ABL2: variants seen among roughly 807,000 people sequenced by gnomAD.
ABL2 encodes tyrosine-protein kinase ABL2.
In ABL2, 49 loss-of-function variants were observed where a neutral mutation model predicts 107.7. The observed-to-expected ratio is 0.45, with a 90% confidence interval of 0.36 to 0.58. The LOEUF is 0.58. Ranked by LOEUF, ABL2 falls within the 20% of genes least tolerant of loss-of-function variation. ABL2 has a pLI of 0.00. For synonymous variants in ABL2, 549 were observed against 548.6 expected (o/e 1.00, Z -0.01); for missense variants, 1,245 against 1,457.0 (o/e 0.85, Z 2.37).
At chr1:179,229,167 T>TCCCCCCCCCCCCCCCCCCCCCCCCCC in intron 1 of ABL2, 74 bp downstream of exon 1, 2 of 402,572 alleles carry the variant, frequency 5.0e-6, no homozygotes, top group Non-Finnish European at 9.3e-6. Flanking sequence ...GGGCAGCCCG[T>TCCCCCCCCCCCCCCCCCCCCCCCCCC]CCGCCACCCA....
chr1:179,116,528 G>C (rs1197883505), intron 8 of ABL2, among the ~76,000 whole-genome samples: 2 of 144,634 alleles, frequency 1.4e-5, no homozygotes, highest in Non-Finnish European at 3.0e-5. Flanking sequence ...TTTTTTGTTT[G>C]AGACAGAGTT....
In ABL2 at chr1:179,107,559, G is replaced by A. The variant is rs570543044; in HGVS notation, c.*159C>T. Reference sequence around the variant, plus strand: ...TATGTGGTTTGCTTCTTATTTTTGAGATGAAACTGTAAACGTGAGAACTCA... The same window carrying A: ...TATGTGGTTTGCTTCTTATTTTTGAAATGAAACTGTAAACGTGAGAACTCA... On this transcript the variant is annotated 3_prime_UTR_variant, in exon 12 of 12. Transcript: ENST00000502732. 180 of 1,391,502 alleles carry A rather than the reference G, an allele frequency of 1.3e-4. No individual in the cohort carries two copies. The highest frequency in any genetic ancestry group is 2.0e-5 in the Non-Finnish European group (21 of 1,056,654). The allele number at this position is 1,391,502 out of a possible 1,614,324, so 86.2% of individuals were successfully genotyped here.
At chr1:179,166,137 A>G (rs574832725) in intron 1 of ABL2, among the ~76,000 whole-genome samples, 2 of 152,264 alleles carry the variant, frequency 1.3e-5, no homozygotes, top group African/African-American at 2.4e-5. Flanking sequence ...ACGCTAGAAA[A>G]CAACTAGAAG....
chr1:179,207,858 G>T (rs551892169), intron 1 of ABL2, among the ~76,000 whole-genome samples: 2 of 152,220 alleles, frequency 1.3e-5, no homozygotes, highest in African/African-American at 2.4e-5. Flanking sequence ...TTACATCTCT[G>T]ACTGATATTG....
At chr1:179,146,350 C>T (rs2791940) in intron 1 of ABL2, among the ~76,000 whole-genome samples, 52,450 of 151,832 alleles carry the variant, frequency 0.35, 9,487 homozygotes, top group East Asian at 0.49. Flanking sequence ...AAATAAAGAA[C>T]GGCTGCCAGG....
At chr1:179,210,047 A>G (rs1662178474) in intron 1 of ABL2, among the ~76,000 whole-genome samples, 1 of 151,896 alleles carries the variant, frequency 6.6e-6, no homozygotes, top group Non-Finnish European at 1.5e-5. Context: ...TTTTATTTTT[A>G]AAGACAGGGG....
rs186055682 is a variant in ABL2 at position 179,148,451 on chromosome 1, G to A, written c.158-15077C>T. On this transcript the variant is annotated intron_variant, in intron 1 of 11. Transcript: ENST00000502732. ...TATCATATCTATTATGGTGATCTGT[G>A]ATCAGTGATCTTTGATGTCACTACT... is the stretch of plus-strand genomic sequence containing the variant. Among the ~76,000 whole-genome samples the A allele has an allele frequency of 2.6e-5, 4 of 152,244 alleles. No individual in the cohort carries two copies. The East Asian group carries it at 7.7e-4, about 29-fold the overall frequency.
chr1:179,187,454 T>C (rs576248245), intron 1 of ABL2, among the ~76,000 whole-genome samples: 4 of 152,224 alleles, frequency 2.6e-5, no homozygotes, highest in Admixed American at 2.0e-4. Context: ...GAGGAAAAAA[T>C]AGTACCCAAT....
At chr1:179,173,716 T>G (rs1659862078) in intron 1 of ABL2, among the ~76,000 whole-genome samples, 1 of 152,176 alleles carries the variant, frequency 6.6e-6, no homozygotes, top group African/African-American at 2.4e-5. Context: ...AAGCTAATTA[T>G]TTTAGGCAGA....
intron 3 of ABL2, among the ~76,000 whole-genome samples, chr1:179,127,794 G>A (rs542178654): frequency 1.8e-4 from 28 of 152,216 alleles, no homozygotes; most frequent in African/African-American, 5.3e-4. Context: ...CACTTTGGGA[G>A]GCTGAGAGGG....
At chr1:179,182,872 A>G (rs961793903) in intron 1 of ABL2, among the ~76,000 whole-genome samples, 6 of 152,154 alleles carry the variant, frequency 3.9e-5, no homozygotes, top group African/African-American at 1.4e-4. Flanking sequence ...GCTTTGTAGG[A>G]TATCTGATTT....
intron 1 of ABL2, among the ~76,000 whole-genome samples, chr1:179,158,508 GA>G (rs1382597334): frequency 6.6e-6 from 1 of 152,152 alleles, no homozygotes; most frequent in Non-Finnish European, 1.5e-5. Context: ...ATCACAACCA[GA>G]AAGTTTAAGG....
rs547382338 is a variant in ABL2, at chr1:179,207,277, T to C, written c.157+21964A>G. On this transcript the variant is annotated intron_variant, in intron 1 of 11. Coordinates refer to ENST00000502732, the MANE Select transcript of ABL2 (RefSeq NM_007314.4). Reference sequence around the variant, plus strand: ...TCCTTTGTGAGGGAGGAAAGAAAGATTGTGATTTACCCAAGTGAAGTGCTG... The same window carrying C: ...TCCTTTGTGAGGGAGGAAAGAAAGACTGTGATTTACCCAAGTGAAGTGCTG... Among the ~76,000 whole-genome samples, 6 of 152,048 alleles carry C rather than the reference T, an allele frequency of 3.9e-5. No homozygotes were observed. In the East Asian group the frequency reaches 1.2e-3, roughly 29 times the overall value.
chr1:179,151,628 T>C (rs1248064873), intron 1 of ABL2, among the ~76,000 whole-genome samples: 1 of 152,192 alleles, frequency 6.6e-6, no homozygotes, highest in Non-Finnish European at 1.5e-5. Flanking sequence ...CCACAAAAAG[T>C]AAAAGCTGTA....
intron 3 of ABL2, among the ~76,000 whole-genome samples, chr1:179,128,553 TTTG>T (rs1335807205): frequency 4.6e-5 from 7 of 152,192 alleles, no homozygotes; most frequent in Non-Finnish European, 8.8e-5. Flanking sequence ...GGATTTTTTG[TTTG>T]TTGTTCTTTT....
At chr1:179,133,544 T>C (rs1007679835) in intron 1 of ABL2, among the ~76,000 whole-genome samples, 170 bp from the exon 2 acceptor site, 3 of 152,242 alleles carry the variant, frequency 2.0e-5, no homozygotes, top group African/African-American at 7.2e-5. Context: ...TAAACTTTAA[T>C]ATACACCATG....
chr1:179,110,198 A>G (rs2102583945), intron 11 of ABL2, 84 bp downstream of exon 11: 1 of 1,508,350 alleles, frequency 6.6e-7, no homozygotes, highest in Non-Finnish European at 9.2e-7. Flanking sequence ...GACGGGCATG[A>G]AAGTGGACAT....
chr1:179,183,432 C>T (rs1406433312), intron 1 of ABL2, among the ~76,000 whole-genome samples: 1 of 152,102 alleles, frequency 6.6e-6, no homozygotes, highest in Non-Finnish European at 1.5e-5. Flanking sequence ...GGTTGATTTT[C>T]ACTTAAAGGA....
At chr1:179,167,414 A>G (rs1659452340) in intron 1 of ABL2, among the ~76,000 whole-genome samples, 1 of 152,226 alleles carries the variant, frequency 6.6e-6, no homozygotes. Context: ...GTGGGAATGA[A>G]GAGAGATTAA....
Sources: gnomAD v4.1 joint callset for allele counts (sites outside exome capture counted in the v4.1 genomes callset) on GRCh38, gnomAD v4.1.1 for gene constraint, MANE v1.5 for transcripts, NCBI Gene and HGNC (gene_info 2026-07-23, HGNC 2026-07-21) for gene names.